Variants in MAP4 observed in about 807,000 individuals in gnomAD.
MAP4 encodes the protein microtubule-associated protein 4.
MAP4 carries 76 observed loss-of-function variants against 170.2 expected under a neutral mutation model. The ratio of observed to expected loss-of-function variants is 0.45; its 90% CI spans 0.37 to 0.54. The LOEUF (loss-of-function observed/expected upper bound fraction) is 0.54. Among genes scored for constraint, MAP4 ranks in the 20% least tolerant of loss-of-function variants. MAP4 has a pLI of 0.00. For synonymous variants in MAP4, 909 were observed against 994.5 expected (o/e 0.91, Z 1.62); for missense variants, 2,506 against 2,748.0 (o/e 0.91, Z 1.97).
At chr3:47,971,426 T>C (rs1300442088) in intron 3 of MAP4, among the ~76,000 whole-genome samples, 1 of 152,226 alleles carries the variant, frequency 6.6e-6, no homozygotes, top group Non-Finnish European at 1.5e-5. Flanking sequence ...CCAGATGAGA[T>C]AGTGATGAAG....
intron 10 of MAP4, chr3:47,891,200 C>T: frequency 6.5e-7 from 1 of 1,535,962 alleles, no homozygotes. Context: ...TTCCTTGCTG[C>T]TTCCTTCAGG....
At chr3:47,963,488 A>G (rs2100072926) in intron 3 of MAP4, among the ~76,000 whole-genome samples, 1 of 152,234 alleles carries the variant, frequency 6.6e-6, no homozygotes, top group Admixed American at 6.5e-5. Context: ...TGCTCTATCC[A>G]CAGCTTCCTC....
chr3:47,888,848 C>T lies in MAP4; in HGVS notation c.5435-11325G>A, dbSNP rs79228814. ...CCTATACTCTCTCCTTTAGAGAAGC[C>T]TCAAGGTGAATGAAGCGGGTGGGTC... On this transcript the variant is annotated intron_variant, in intron 10 of 20. Transcript: ENST00000683076. 1.2e-4 allele frequency among the ~76,000 whole-genome samples: 19 copies of T among 152,284 alleles called. No individual in the cohort carries two copies. In the East Asian group the frequency reaches 3.3e-3, roughly 26 times the overall value.
chr3:47,911,095 C>T lies in MAP4; in HGVS notation c.3326G>A (p.Gly1109Glu). The T allele has an allele frequency of 6.5e-7, 1 of 1,536,144 alleles. No individual in the cohort carries two copies. Among genetic ancestry groups the T allele is most frequent in the Non-Finnish European group, 8.7e-7 (1 of 1,146,920 alleles). ...IPSEPVSKTE[G>E]MTTQDKSEEL... ...CTCACTCTTATCCTGAGTAGTCATTCCTTCAGTTTTAGAGACTGGCTCACT... is the reference window on the plus strand; with the variant it reads ...CTCACTCTTATCCTGAGTAGTCATTTCTTCAGTTTTAGAGACTGGCTCACT... The change falls in exon 9 of 21, where the codon GGA becomes GAA. Residue 1109 changes from glycine to glutamate, a missense_variant. Around this residue, in one of 3 missense-constraint regions of MAP4, gnomAD observed 2,008 missense variants for 2,206.0 expected, o/e 0.91. Coordinates refer to ENST00000683076, the MANE Select transcript of MAP4 (RefSeq NM_001385682.1). The surrounding 1 kb of genome is among the most constrained non-coding windows in gnomAD (Gnocchi z 4.0).
chr3:47,996,453 C>T (rs1337763783), intron 2 of MAP4, among the ~76,000 whole-genome samples: 1 of 152,082 alleles, frequency 6.6e-6, no homozygotes, highest in African/African-American at 2.4e-5. Context: ...AGAGCATGGA[C>T]AAGGACCCCT....
intron 5 of MAP4, among the ~76,000 whole-genome samples, chr3:47,921,438 T>G (rs2153694077): frequency 6.6e-6 from 1 of 152,298 alleles, no homozygotes; most frequent in Admixed American, 6.5e-5. Flanking sequence ...CTTTACTAAC[T>G]AGCTTTTACC....
At chr3:47,933,299 G>C (rs562560884) in intron 3 of MAP4, among the ~76,000 whole-genome samples, 61 of 152,184 alleles carry the variant, frequency 4.0e-4, no homozygotes, top group African/African-American at 1.4e-3. Flanking sequence ...ATGTTCTAAC[G>C]ATGGATTACA....
chr3:47,901,333 C>T (rs186780180), intron 10 of MAP4, among the ~76,000 whole-genome samples: 6 of 152,264 alleles, frequency 3.9e-5, no homozygotes, highest in African/African-American at 1.2e-4. Context: ...AGTAATGTCA[C>T]TTGGTATCTA....
intron 3 of MAP4, among the ~76,000 whole-genome samples, chr3:47,976,869 T>C (rs1323981514): frequency 2.0e-5 from 3 of 152,292 alleles, no homozygotes; most frequent in East Asian, 1.9e-4. Context: ...CCTATGGTCA[T>C]AGAATAAAGA....
At chr3:48,031,979 T>C (rs934349706) in intron 1 of MAP4, among the ~76,000 whole-genome samples, 1 of 152,166 alleles carries the variant, frequency 6.6e-6, no homozygotes, top group Non-Finnish European at 1.5e-5. Flanking sequence ...AGTGGCACTT[T>C]ACCTCTGTGA....
chr3:47,922,206 C>G (rs2153703042), intron 4 of MAP4, among the ~76,000 whole-genome samples: 1 of 152,242 alleles, frequency 6.6e-6, no homozygotes, highest in African/African-American at 2.4e-5. Context: ...ACCTCGGCCT[C>G]CCAAAGTATT....
At chr3:48,019,912 T>A (rs960630543), upstream of MAP4, among the ~76,000 whole-genome samples, 2 of 152,120 alleles carry the variant, frequency 1.3e-5, no homozygotes, top group East Asian at 3.8e-4. Flanking sequence ...ACTTCTCCCA[T>A]TAAGCAAAGT....
chr3:47,910,287 C>G lies in MAP4; in HGVS notation c.4134G>C (p.Lys1378Asn), dbSNP rs376894255. The G allele has an allele frequency of 5.0e-6, 8 of 1,597,270 alleles. No homozygotes were observed. The African/African-American group carries it at 9.3e-5, about 19-fold the overall frequency. ...SKKVKNSSPEKHILENKIDAT... is the reference protein window; with the variant it reads ...SKKVKNSSPENHILENKIDAT... ...CATCTATCTTATTCTCCAGAATGTGCTTCTCAGGAGAACTATTTTTAACCT... is the reference window on the plus strand; with the variant it reads ...CATCTATCTTATTCTCCAGAATGTGGTTCTCAGGAGAACTATTTTTAACCT... Residue 1378 changes from lysine (K) to asparagine (N), a missense_variant, in exon 9 of 21, where the codon AAG becomes AAC. By Grantham distance (94) the Lys-to-Asn change is moderately conservative. Transcript: ENST00000683076.
chr3:47,891,602 A>C, intron 10 of MAP4: 1 of 1,535,870 alleles, frequency 6.5e-7, no homozygotes, highest in Non-Finnish European at 8.7e-7. Flanking sequence ...GGCCCTGCGC[A>C]CTGCCTTTTT....
In MAP4 at chr3:47,855,782, G is replaced by A. The variant is rs1033289013; in HGVS notation, c.6584-422C>T. Among the ~76,000 whole-genome samples the A allele has an allele frequency of 6.6e-6, 1 of 152,118 alleles. No homozygotes were observed. Among genetic ancestry groups the A allele is most frequent in the Non-Finnish European group, 1.5e-5 (1 of 68,024 alleles). On this transcript the variant is annotated intron_variant, in intron 18 of 20. Coordinates refer to ENST00000683076, the MANE Select transcript of MAP4 (RefSeq NM_001385682.1). This position sits in a 1 kb window ranked among gnomAD's most constrained non-coding sequence, Gnocchi z 5.1. ...ATTCTCATGAATGCCCTGTCATCAC[G>A]GCCACGGTCCCTGCTTCCCAGCCGG...
At chr3:47,893,040 A>C (rs1347324679) in intron 10 of MAP4, among the ~76,000 whole-genome samples, 4 of 151,960 alleles carry the variant, frequency 2.6e-5, no homozygotes, top group African/African-American at 7.3e-5. Flanking sequence ...AAAAAAAAAA[A>C]AAAACCACAC....
At chr3:47,854,566 G>A (rs2051103549) in intron 19 of MAP4, among the ~76,000 whole-genome samples, 1 of 152,228 alleles carries the variant, frequency 6.6e-6, no homozygotes. Context: ...CCCACCCACG[G>A]ATGACATGGA....
chr3:48,069,186 T>C (rs1021643483), intron 1 of MAP4, among the ~76,000 whole-genome samples: 1 of 152,222 alleles, frequency 6.6e-6, no homozygotes, highest in Non-Finnish European at 1.5e-5. Context: ...ATTTGCCATC[T>C]ATATAACCCA....
In MAP4 at chr3:47,928,340, A is replaced by T. The variant is rs775406689; in HGVS notation, c.303T>A (p.Thr101=). The T allele has an allele frequency of 6.2e-7, 1 of 1,614,092 alleles. No individual in the cohort carries two copies. The highest frequency in any genetic ancestry group is 1.7e-5 in the Admixed American group (1 of 60,014). Residue 101 remains threonine (T), a synonymous_variant, in exon 4 of 21, where the codon ACT becomes ACA. Coordinates refer to ENST00000683076, the MANE Select transcript of MAP4 (RefSeq NM_001385682.1). ...AGGCCATTTTCTCTTCAAGGAATTC[A>T]GTTGGAGACCCTTAAAATAGAGACA... ...VEGSDTTGSP[T]EFLEEKMAYQ...
Sources: allele counts gnomAD v4.1 joint callset (sites outside exome capture counted in the v4.1 genomes callset), GRCh38; gene constraint gnomAD v4.1.1; regional missense constraint gnomAD v4.1.1; non-coding constraint Gnocchi (gnomAD v3.1); transcripts MANE v1.5; gene names NCBI Gene and HGNC (gene_info 2026-07-23, HGNC 2026-07-21).